SYTL3: variants seen among roughly 807,000 people sequenced by gnomAD.
The protein encoded by SYTL3 is synaptotagmin-like protein 3.
In SYTL3, 88 loss-of-function variants were observed where a neutral mutation model predicts 82.1. That is an observed-to-expected ratio of 1.07 (90% CI 0.90 to 1.28). SYTL3 has a LOEUF of 1.28. Among genes scored for constraint, SYTL3 ranks in the 50% most tolerant of loss-of-function variants. SYTL3 has a pLI of 0.00. For synonymous variants in SYTL3, 311 were observed against 289.4 expected, an observed-to-expected ratio of 1.07 and a Z score of -0.76; for missense variants, 831 against 757.6, an observed-to-expected ratio of 1.10 and a Z score of -1.14.
At chr6:158,733,427 C>T (rs1020120972) in intron 11 of SYTL3, among the ~76,000 whole-genome samples, 6 of 152,020 alleles carry the variant, frequency 3.9e-5, no homozygotes, top group East Asian at 1.9e-4. Context: ...CCCAGGTTCA[C>T]GCCATTCTTC....
At chr6:158,722,432 G>C (rs1044540824) in intron 10 of SYTL3, among the ~76,000 whole-genome samples, 1 of 152,052 alleles carries the variant, frequency 6.6e-6, no homozygotes, top group African/African-American at 2.4e-5. Flanking sequence ...GCGGTGACTC[G>C]GGGATGTTAA....
upstream of SYTL3, among the ~76,000 whole-genome samples, chr6:158,648,712 C>T (rs1787677998): frequency 6.6e-6 from 1 of 152,068 alleles, no homozygotes; most frequent in South Asian, 2.1e-4. Flanking sequence ...CTTTCTTCCC[C>T]TGTGCCAAGA....
At chr6:158,736,228 G>A (rs1405609391) in intron 11 of SYTL3, among the ~76,000 whole-genome samples, 4 of 151,830 alleles carry the variant, frequency 2.6e-5, no homozygotes, top group African/African-American at 9.7e-5. Context: ...GCGGGTGCCT[G>A]TAATCCCAGC....
At position 158,764,639 on chromosome 6, in the gene SYTL3, G is replaced by C. The variant is rs575482122; in HGVS notation, c.*35G>C. On this transcript the variant is annotated 3_prime_UTR_variant, in exon 18 of 18. Coordinates refer to ENST00000611299, the MANE Select transcript of SYTL3 (RefSeq NM_001242394.2). ...CTCAAGGTTCCAGGTTGCAGCAGGCGTGAGGCACTGTGCGTCTGCAGAGGG... is the reference window on the plus strand; with the variant it reads ...CTCAAGGTTCCAGGTTGCAGCAGGCCTGAGGCACTGTGCGTCTGCAGAGGG... 4 of 1,477,142 alleles carry C rather than the reference G, an allele frequency of 2.7e-6. No individual in the cohort carries two copies. The African/African-American group carries it at 4.2e-5, about 15-fold the overall frequency. The allele number at this position is 1,477,142 out of a possible 1,614,324, so 91.5% of individuals were successfully genotyped here.
intron 2 of SYTL3, among the ~76,000 whole-genome samples, chr6:158,658,976 A>G (rs1180906540): frequency 6.6e-6 from 1 of 152,170 alleles, no homozygotes; most frequent in Non-Finnish European, 1.5e-5. Flanking sequence ...GGCTTTACTC[A>G]TAGTAGTTGC....
intron 5 of SYTL3, among the ~76,000 whole-genome samples, chr6:158,668,869 G>A (rs754948179): frequency 3.9e-5 from 6 of 152,090 alleles, no homozygotes; most frequent in Non-Finnish European, 7.3e-5. Flanking sequence ...TGGATCACGG[G>A]GCATCCGAGA....
intron 14 of SYTL3, among the ~76,000 whole-genome samples, chr6:158,759,764 C>T (rs924047892): frequency 2.0e-5 from 3 of 152,152 alleles, no homozygotes; most frequent in African/African-American, 7.2e-5. Context: ...GAACTCCTGA[C>T]CTCAGGTGAT....
At chr6:158,756,448 G>A (rs1395070985) in intron 13 of SYTL3, among the ~76,000 whole-genome samples, 4 of 152,170 alleles carry the variant, frequency 2.6e-5, no homozygotes, top group East Asian at 1.9e-4. Flanking sequence ...AGTGGCTCAC[G>A]CCTGTAATCC....
chr6:158,691,075 G>A (rs1340914769), intron 6 of SYTL3, among the ~76,000 whole-genome samples: 2 of 152,154 alleles, frequency 1.3e-5, no homozygotes, highest in South Asian at 2.1e-4. Flanking sequence ...GGCTAAGGGC[G>A]GTGGCTCATG....
chr6:158,714,159 C>G (rs59718342), intron 9 of SYTL3, among the ~76,000 whole-genome samples: 166 of 152,312 alleles, frequency 1.1e-3, no homozygotes, highest in African/African-American at 3.5e-3. Flanking sequence ...TCGAGACCAT[C>G]TGGCCAACAT....
chr6:158,760,078 C>T (rs776069151), intron 14 of SYTL3, among the ~76,000 whole-genome samples: 13 of 152,158 alleles, frequency 8.5e-5, no homozygotes, highest in East Asian at 1.9e-4. Context: ...ATCTCTTTCC[C>T]GGCCCTCTCT....
rs547019555 is a variant in SYTL3 at position 158,747,175 on chromosome 6, C to T, written c.1034+1517C>T. Among the ~76,000 whole-genome samples the T allele has an allele frequency of 3.2e-3, 479 of 151,908 alleles. 3 individuals are homozygous for T. The highest frequency in any genetic ancestry group is 2.9e-3 in the Non-Finnish European group (200 of 67,950). The stretch of plus-strand genomic sequence containing the variant: ...CTAATTTTTGTATCTTTAGTAGAGA[C>T]GGGGTTTCCCCGTGTTGGCCAGGCT... On this transcript the variant is annotated intron_variant, in intron 12 of 17. Transcript: ENST00000611299.
rs1562399065 is a variant in SYTL3 at position 158,704,856 on chromosome 6, CCAGGGCAGGG to C, written c.395-2373_395-2364del. Among the ~76,000 whole-genome samples, 173 of 90,516 alleles carry C rather than the reference CCAGGGCAGGG, an allele frequency of 1.9e-3. 7 individuals carry two copies. The highest frequency in any genetic ancestry group is 2.7e-3 in the African/African-American group (31 of 11,404). The allele number at this position is 90,516 out of a possible 152,430, so 59.4% of individuals were successfully genotyped here. ...TAAGGCCACATAGGGCAGGAGGGAC[CCAGGGCAGGG>C]TGACAGTGAGGGCTGTAAGGCCACA... On this transcript the variant is annotated intron_variant, in intron 6 of 17. Coordinates refer to ENST00000611299, the MANE Select transcript of SYTL3 (RefSeq NM_001242394.2).
chr6:158,692,538 T>G (rs143401722), intron 6 of SYTL3, among the ~76,000 whole-genome samples: 1 of 152,114 alleles, frequency 6.6e-6, no homozygotes, highest in African/African-American at 2.4e-5. Context: ...TAAGTTGTAT[T>G]CTTCTGCATG....
chr6:158,655,031 G>A (rs1788511161), intron 2 of SYTL3, among the ~76,000 whole-genome samples: 1 of 152,180 alleles, frequency 6.6e-6, no homozygotes, highest in Non-Finnish European at 1.5e-5. Flanking sequence ...CTCAGTGCTT[G>A]GGACATCATA....
chr6:158,656,046 G>A lies in SYTL3; in HGVS notation c.-637+4204G>A, dbSNP rs1164521444. 4.6e-5 allele frequency among the ~76,000 whole-genome samples: 7 copies of A among 152,208 alleles called. No homozygotes were observed. The South Asian group carries it at 1.2e-3, about 27-fold the overall frequency. Reference sequence around the variant, plus strand: ...ATGGAGGAGTCAGGAGAACTGGATCGGGAGGTCACGACTGGGATGCCTGTG... The same window carrying A: ...ATGGAGGAGTCAGGAGAACTGGATCAGGAGGTCACGACTGGGATGCCTGTG... On this transcript the variant is annotated intron_variant, in intron 2 of 17. Transcript: ENST00000611299.
upstream of SYTL3, among the ~76,000 whole-genome samples, chr6:158,649,576 G>T (rs1394033642): frequency 2.6e-5 from 4 of 152,328 alleles, no homozygotes; most frequent in Admixed American, 6.5e-5. Flanking sequence ...CCTAGTACAC[G>T]CACAGCATTT....
In SYTL3 at chr6:158,745,516, A is replaced by T. The variant is rs982494395; in HGVS notation, c.892A>T (p.Met298Leu). ...LISIDSTCTE[M>L]GNFDNANVTG... is the part of the protein sequence containing the mutation. ...TAGCATTGACAGCACCTGTACAGAG[A>T]TGGGCAATTTTGACAATGCTAATGT... Residue 298 changes from methionine (M) to leucine (L), a missense_variant, in exon 12 of 18, where the codon ATG (methionine) becomes TTG (leucine). Met to Leu is a conservative substitution (Grantham distance 15). Transcript: ENST00000611299. 5.6e-6 allele frequency: 9 copies of T among 1,613,442 alleles called. No individual in the cohort carries two copies. In the East Asian group the frequency reaches 2.0e-4, roughly 36 times the overall value.
At chr6:158,689,380 TA>T (rs1037245471) in intron 6 of SYTL3, among the ~76,000 whole-genome samples, 1 of 152,232 alleles carries the variant, frequency 6.6e-6, no homozygotes, top group African/African-American at 2.4e-5. Flanking sequence ...TCATCACGAA[TA>T]AGATTGAGTA....
Sources: gnomAD v4.1 joint callset for allele counts (sites outside exome capture counted in the v4.1 genomes callset) on GRCh38, gnomAD v4.1.1 for gene constraint, MANE v1.5 for transcripts, NCBI Gene and HGNC (gene_info 2026-07-23, HGNC 2026-07-21) for gene names.